The following ROR1 variants were observed in gnomAD, a reference collection of about 807,000 sequenced individuals.
ROR1 encodes the protein ROR family WNT receptor 1.
A neutral mutation model predicts 78.8 loss-of-function variants in ROR1; 19 were observed. The observed-to-expected ratio is 0.24, with a 90% CI of 0.17 to 0.35. The LOEUF (loss-of-function observed/expected upper bound fraction) is 0.35. Among genes scored for constraint, ROR1 ranks in the 10% least tolerant of loss-of-function variants. The pLI is 1.00. For missense variants in ROR1, 917 were observed against 1,177.8 expected (o/e 0.78, Z 3.24); for synonymous variants, 386 against 433.6 (o/e 0.89, Z 1.36).
intron 1 of ROR1, among the ~76,000 whole-genome samples, chr1:63,934,700 T>TA (rs1645780361): frequency 6.6e-6 from 1 of 152,162 alleles, no homozygotes; most frequent in Non-Finnish European, 1.5e-5. Flanking sequence ...TTCCTTTTTT[T>TA]AAAAAAGTAT....
chr1:63,909,560 TG>T (rs1467874910), intron 1 of ROR1, among the ~76,000 whole-genome samples: 18 of 152,308 alleles, frequency 1.2e-4, no homozygotes, highest in African/African-American at 4.1e-4. Flanking sequence ...ACCTTCGTGC[TG>T]TAGTTAAAGA....
intron 1 of ROR1, among the ~76,000 whole-genome samples, chr1:63,863,756 GTATTGTATTGTAT>G (rs1645197043): frequency 6.7e-6 from 1 of 148,414 alleles, no homozygotes. Flanking sequence ...GTATTGTATT[GTATTGTATTGTAT>G]TGTATTGTAT....
chr1:63,983,141 C>T (rs1229513393), intron 1 of ROR1, among the ~76,000 whole-genome samples: 2 of 152,168 alleles, frequency 1.3e-5, no homozygotes, highest in Admixed American at 6.6e-5. Flanking sequence ...GTATGATGCT[C>T]CATACTTTAT....
At chr1:63,817,395 G>A (rs552923236) in intron 1 of ROR1, among the ~76,000 whole-genome samples, 2 of 152,256 alleles carry the variant, frequency 1.3e-5, no homozygotes, top group East Asian at 1.9e-4. Context: ...TTCCTCAAAC[G>A]TTTGTGCTTG....
At chr1:63,938,068 C>T (rs548182409) in intron 1 of ROR1, among the ~76,000 whole-genome samples, 1 of 152,182 alleles carries the variant, frequency 6.6e-6, no homozygotes, top group African/African-American at 2.4e-5. Flanking sequence ...TTGATATCCC[C>T]CAGAGAATAT....
intron 4 of ROR1, among the ~76,000 whole-genome samples, chr1:64,133,643 G>A (rs1251996174): frequency 1.3e-5 from 2 of 152,230 alleles, no homozygotes; most frequent in Non-Finnish European, 2.9e-5. Context: ...TGACATCATG[G>A]TGAGGCAGCG....
At chr1:63,939,590 T>C (rs907664769) in intron 1 of ROR1, among the ~76,000 whole-genome samples, 4 of 152,174 alleles carry the variant, frequency 2.6e-5, no homozygotes, top group Admixed American at 1.3e-4. Flanking sequence ...TTCTACAGTA[T>C]ATTTCAAAGT....
chr1:64,157,339 A>G (rs995120700), intron 7 of ROR1, among the ~76,000 whole-genome samples: 2 of 152,004 alleles, frequency 1.3e-5, no homozygotes, highest in Non-Finnish European at 1.5e-5. Context: ...GGGTTTCGCC[A>G]TGTTGCCTAG....
intron 1 of ROR1, among the ~76,000 whole-genome samples, chr1:63,835,426 C>G (rs1645014042): frequency 6.6e-6 from 1 of 152,148 alleles, no homozygotes; most frequent in South Asian, 2.1e-4. Flanking sequence ...CTTTTTGTGC[C>G]AGGTTCTGCC....
chr1:63,913,257 C>T (rs945110711), intron 1 of ROR1, among the ~76,000 whole-genome samples: 15 of 151,892 alleles, frequency 9.9e-5, no homozygotes, highest in Non-Finnish European at 2.1e-4. Context: ...ATATACATTG[C>T]CCTTTGGGTT....
At chr1:64,047,814 A>G (rs1646796726) in intron 2 of ROR1, among the ~76,000 whole-genome samples, 1 of 152,214 alleles carries the variant, frequency 6.6e-6, no homozygotes, top group Non-Finnish European at 1.5e-5. Context: ...AGATCAAAAT[A>G]TAAATGTTAG....
chr1:64,158,860 C>T (rs1649851121), intron 7 of ROR1, 121 bp from the exon 8 acceptor site: 1 of 695,840 alleles, frequency 1.4e-6, no homozygotes, highest in Non-Finnish European at 2.4e-6. Context: ...CCTTTCTTCT[C>T]ACAGTGGATT....
chr1:64,167,877 G>T (rs559629513), intron 8 of ROR1, among the ~76,000 whole-genome samples: 1 of 152,316 alleles, frequency 6.6e-6, no homozygotes, highest in African/African-American at 2.4e-5. Flanking sequence ...TTTCACTTTT[G>T]CATCAATGGT....
chr1:64,081,676 TG>T (rs574402412), intron 4 of ROR1, among the ~76,000 whole-genome samples: 1 of 148,940 alleles, frequency 6.7e-6, no homozygotes, highest in South Asian at 2.1e-4. Context: ...CAGGTTGAGA[TG>T]GGGGGATTGC....
At chr1:63,825,784 T>G (rs1410001867) in intron 1 of ROR1, among the ~76,000 whole-genome samples, 1 of 152,208 alleles carries the variant, frequency 6.6e-6, no homozygotes, top group Non-Finnish European at 1.5e-5. Flanking sequence ...GGAGAAATAT[T>G]CAGTGTTTAT....
chr1:64,143,173 T>C (rs1649377216), intron 7 of ROR1: 1 of 989,272 alleles, frequency 1.0e-6, no homozygotes, highest in South Asian at 4.6e-5. Flanking sequence ...AGTAAGAAAA[T>C]GGAATTCCTG....
chr1:63,857,329 A>C (rs1645155340), intron 1 of ROR1, among the ~76,000 whole-genome samples: 1 of 152,118 alleles, frequency 6.6e-6, no homozygotes, highest in South Asian at 2.1e-4. Flanking sequence ...CACCTAGTTG[A>C]TGCTTGAAAC....
At chr1:63,963,820 C>T (rs900116470) in intron 1 of ROR1, among the ~76,000 whole-genome samples, 8 of 152,122 alleles carry the variant, frequency 5.3e-5, no homozygotes, top group Non-Finnish European at 8.8e-5. Context: ...CCGCTGCTCT[C>T]CTCTCCATCC....
At chr1:63,842,124 T>G (rs1645053090) in intron 1 of ROR1, among the ~76,000 whole-genome samples, 1 of 152,190 alleles carries the variant, frequency 6.6e-6, no homozygotes, top group South Asian at 2.1e-4. Context: ...AAACCAGAAG[T>G]AATATTTGAT....
Sources: gnomAD v4.1 joint callset for allele counts (sites outside exome capture counted in the v4.1 genomes callset) on GRCh38, gnomAD v4.1.1 for gene constraint, MANE v1.5 for transcripts, NCBI Gene and HGNC (gene_info 2026-07-23, HGNC 2026-07-21) for gene names.